The following FER variants were observed in gnomAD, a reference collection of about 807,000 sequenced individuals.
FER encodes the protein FER tyrosine kinase.
In FER, 63 loss-of-function variants were observed where a neutral mutation model predicts 111.0. That is an observed-to-expected ratio of 0.57 (90% CI 0.46 to 0.70). FER has a LOEUF of 0.70. Among genes scored for constraint, FER ranks in the 30% least tolerant of loss-of-function variants. FER has a pLI of 0.00. For synonymous variants in FER, 327 were observed against 313.9 expected (o/e 1.04, Z -0.44); for missense variants, 914 against 954.0 (o/e 0.96, Z 0.55).
chr5:108,967,276 C>T (rs1237129900), intron 13 of FER, among the ~76,000 whole-genome samples: 1 of 152,150 alleles, frequency 6.6e-6, no homozygotes, highest in Non-Finnish European at 1.5e-5. Flanking sequence ...TATTGAGCAA[C>T]AAAACGGCTC....
Position 108,886,592 on chromosome 5 carries a change from T to C in FER, c.1046+3074T>C, listed in dbSNP as rs1263213839. 2.0e-5 allele frequency among the ~76,000 whole-genome samples: 3 copies of C among 151,588 alleles called. No individual in the cohort carries two copies. The Admixed American group carries it at 2.0e-4, about 10-fold the overall frequency. The stretch of plus-strand genomic sequence containing the variant: ...TACTTACAATCACATACATAGTAAA[T>C]GGTAGAAAAGACATGAGTTGTTGAC... On this transcript the variant is annotated intron_variant, in intron 9 of 19. Transcript: ENST00000281092.
intron 1 of FER, among the ~76,000 whole-genome samples, chr5:108,765,545 G>C (rs1188311068): frequency 6.6e-6 from 1 of 151,992 alleles, no homozygotes; most frequent in African/African-American, 2.4e-5. Flanking sequence ...TCAGCCTCTT[G>C]AGTAGCTAGG....
intron 3 of FER, among the ~76,000 whole-genome samples, chr5:108,798,793 A>T (rs28396658): frequency 0.19 from 29,275 of 152,006 alleles, 3,031 homozygotes; most frequent in African/African-American, 0.27. Flanking sequence ...GGCTGCAGTG[A>T]GCCGTGGGTG....
intron 3 of FER, among the ~76,000 whole-genome samples, chr5:108,816,069 G>A (rs1054357052): frequency 3.3e-5 from 5 of 150,846 alleles, no homozygotes; most frequent in Admixed American, 2.0e-4. Context: ...CTACACCACC[G>A]CCCCCCCAAA....
intron 9 of FER, among the ~76,000 whole-genome samples, chr5:108,886,264 C>T (rs2150295528): frequency 6.6e-6 from 1 of 151,546 alleles, no homozygotes; most frequent in African/African-American, 2.4e-5. Flanking sequence ...AATCCATGTT[C>T]CTCTACCTGT....
intron 18 of FER, among the ~76,000 whole-genome samples, chr5:109,185,801 AT>A (rs1306498620): frequency 2.0e-5 from 3 of 152,232 alleles, no homozygotes; most frequent in Non-Finnish European, 4.4e-5. Flanking sequence ...GTATCGCTTA[AT>A]GACAGGGATA....
At chr5:109,168,433 G>A (rs947735279) in intron 17 of FER, among the ~76,000 whole-genome samples, 21 of 152,016 alleles carry the variant, frequency 1.4e-4, no homozygotes, top group Non-Finnish European at 2.8e-4. Flanking sequence ...AGTGAAGGAG[G>A]GCTGAAAGTA....
Position 108,775,067 on chromosome 5 carries a change from T to C in FER, c.-60+6829T>C, listed in dbSNP as rs997556160. Reference sequence around the variant, plus strand: ...TTTAATCCATCTGAGTTAATTTTTTTGTAGGGTGTAAGGAAGTGGTCCAGT... The same window carrying C: ...TTTAATCCATCTGAGTTAATTTTTTCGTAGGGTGTAAGGAAGTGGTCCAGT... On this transcript the variant is annotated intron_variant, in intron 2 of 19. Transcript: ENST00000281092. Among the ~76,000 whole-genome samples, 21 of 152,322 alleles carry C rather than the reference T, an allele frequency of 1.4e-4. 1 individual carries two copies. In the East Asian group the frequency reaches 4.0e-3, roughly 29 times the overall value.
At chr5:108,998,203 A>C (rs1386580233) in intron 13 of FER, among the ~76,000 whole-genome samples, 1 of 151,568 alleles carries the variant, frequency 6.6e-6, no homozygotes, top group African/African-American at 2.4e-5. Context: ...AAAAAAAAAA[A>C]AACTCTTGCA....
chr5:109,137,282 G>C (rs755461179), intron 17 of FER, among the ~76,000 whole-genome samples: 7 of 152,128 alleles, frequency 4.6e-5, no homozygotes, highest in Non-Finnish European at 8.8e-5. Context: ...TGGACAAGAG[G>C]CTGCTCTGTC....
At chr5:109,186,939 T>TAA in intron 19 of FER, among the ~76,000 whole-genome samples, 1 of 152,324 alleles carries the variant, frequency 6.6e-6, no homozygotes, top group African/African-American at 2.4e-5. Context: ...TCTCCTACCT[T>TAA]TACACACTAC....
intron 10 of FER, among the ~76,000 whole-genome samples, chr5:108,937,408 T>C (rs1452193887): frequency 6.6e-6 from 1 of 152,056 alleles, no homozygotes; most frequent in East Asian, 1.9e-4. Flanking sequence ...TGTTTCAACA[T>C]TCAAGTTTGG....
At chr5:108,934,891 A>G (rs1489270921) in intron 10 of FER, among the ~76,000 whole-genome samples, 1 of 152,168 alleles carries the variant, frequency 6.6e-6, no homozygotes, top group Non-Finnish European at 1.5e-5. Flanking sequence ...TGGATGGGAA[A>G]TGAAAGATTA....
intron 17 of FER, among the ~76,000 whole-genome samples, chr5:109,105,916 T>G (rs895717750): frequency 2.6e-5 from 4 of 152,230 alleles, no homozygotes; most frequent in Non-Finnish European, 5.9e-5. Flanking sequence ...CAATTGAAGC[T>G]AAATGAATGA....
At chr5:109,051,214 C>G in intron 16 of FER, 1 of 781,528 alleles carries the variant, frequency 1.3e-6, no homozygotes, top group Non-Finnish European at 2.2e-6. Flanking sequence ...TGTTGAATAC[C>G]ACCTCCACCG....
chr5:108,818,765 G>A (rs1758535175), intron 3 of FER, among the ~76,000 whole-genome samples: 1 of 152,060 alleles, frequency 6.6e-6, no homozygotes, highest in Admixed American at 6.5e-5. Flanking sequence ...TACAGTGAGA[G>A]GCCTCTTTCA....
chr5:109,063,784 A>G (rs1237442173), intron 16 of FER, among the ~76,000 whole-genome samples: 1 of 152,238 alleles, frequency 6.6e-6, no homozygotes, highest in African/African-American at 2.4e-5. Context: ...ATGGTAGAAT[A>G]TTCCTTTAAA....
In FER at chr5:109,045,059, T is replaced by G. The variant is rs114263981; in HGVS notation, c.1829+264T>G. ...TTCATCACACATACATATACATATA[T>G]GTATATATGCAATACTGTGCTTATG... On this transcript the variant is annotated intron_variant, in intron 15 of 19. Transcript: ENST00000281092. Among the ~76,000 whole-genome samples the G allele has an allele frequency of 0.024, 3,664 of 152,060 alleles. 72 individuals carry two copies. The highest frequency in any genetic ancestry group is 0.035 in the Non-Finnish European group (2,393 of 67,956).
intron 16 of FER, among the ~76,000 whole-genome samples, chr5:109,061,875 C>T (rs545598554): frequency 3.9e-5 from 6 of 152,240 alleles, no homozygotes; most frequent in African/African-American, 1.4e-4. Flanking sequence ...TGTCAGATAA[C>T]TGAGCCCTTT....
Sources: allele counts gnomAD v4.1 joint callset (sites outside exome capture counted in the v4.1 genomes callset), GRCh38; gene constraint gnomAD v4.1.1; transcripts MANE v1.5; gene names NCBI Gene and HGNC (gene_info 2026-07-23, HGNC 2026-07-21).